OIP5: variants seen among roughly 807,000 people sequenced by gnomAD.
OIP5 encodes the protein Opa interacting protein 5.
In OIP5, 24 loss-of-function variants were observed where a neutral mutation model predicts 20.3. That is an observed-to-expected ratio of 1.18 (90% CI 0.86 to 1.66). The LOEUF (loss-of-function observed/expected upper bound fraction) is 1.66. Among genes scored for constraint, OIP5 ranks in the 40% most tolerant of loss-of-function variants. The probability of loss-of-function intolerance (pLI) is 0.00; values close to 1 mark genes in which losing one functional copy is unlikely to be tolerated. For missense variants in OIP5, 339 were observed against 289.5 expected, an observed-to-expected ratio of 1.17 and a Z score of -1.24; for synonymous variants, 143 against 121.3, an observed-to-expected ratio of 1.18 and a Z score of -1.17.
At chr15:41,325,384 T>A (rs1181283422) in intron 2 of OIP5, among the ~76,000 whole-genome samples, 2 of 151,288 alleles carry the variant, frequency 1.3e-5, no homozygotes, top group Admixed American at 6.6e-5. Context: ...CCAGCCTGGG[T>A]GACAGAGCGA....
chr15:41,311,209 C>T (rs1356176032), intron 4 of OIP5, among the ~76,000 whole-genome samples: 6 of 152,156 alleles, frequency 3.9e-5, no homozygotes, highest in Admixed American at 2.0e-4. Context: ...GGTAAAACCC[C>T]GTCTCTACTA....
chr15:41,312,266 C>T (rs2047760761), intron 4 of OIP5, among the ~76,000 whole-genome samples: 2 of 150,810 alleles, frequency 1.3e-5, no homozygotes, highest in South Asian at 2.1e-4. Context: ...GGTTCAAGTG[C>T]TTCTCCTGTC....
intron 3 of OIP5, among the ~76,000 whole-genome samples, chr15:41,315,392 G>A (rs1480561101): frequency 6.7e-6 from 1 of 150,132 alleles, no homozygotes; most frequent in Non-Finnish European, 1.5e-5. Flanking sequence ...TCACACCACT[G>A]TGTTCCAACT....
chr15:41,318,276 C>T (rs1032770554), intron 3 of OIP5, among the ~76,000 whole-genome samples: 1 of 152,148 alleles, frequency 6.6e-6, no homozygotes, highest in Admixed American at 6.5e-5. Flanking sequence ...AATTCTTCTG[C>T]CTCACCTCCC....
In OIP5 at chr15:41,332,470, G is replaced by A. The variant is rs1207693386; in HGVS notation, c.92C>T (p.Ala31Val). ...CGGTERAIDQ[A>V]SFTTSMEWDT... ...CCACTCCATGGAGGTCGTAAAAGAAGCTTGGTCAATCGCCCTCTCAGTGCC... is the reference window on the plus strand; with the variant it reads ...CCACTCCATGGAGGTCGTAAAAGAAACTTGGTCAATCGCCCTCTCAGTGCC... The change falls in exon 1 of 5, where the codon GCT becomes GTT. Residue 31 changes from alanine (A) to valine (V), a missense_variant. By Grantham distance (64) the Ala-to-Val change is moderately conservative. Transcript: ENST00000220514. The A allele has an allele frequency of 6.2e-7, 1 of 1,614,092 alleles. No homozygotes were observed. Among genetic ancestry groups the A allele is most frequent in the Non-Finnish European group, 8.5e-7 (1 of 1,179,938 alleles).
intron 3 of OIP5, among the ~76,000 whole-genome samples, chr15:41,319,022 A>G (rs1195704808): frequency 6.6e-6 from 1 of 151,966 alleles, no homozygotes; most frequent in African/African-American, 2.4e-5. Flanking sequence ...CTTTTTGTCA[A>G]AGACAGTGCC....
chr15:41,324,800 TC>T (rs1375032942), intron 2 of OIP5, among the ~76,000 whole-genome samples: 12 of 152,182 alleles, frequency 7.9e-5, no homozygotes, highest in Admixed American at 6.6e-4. Context: ...CCATTTTTTT[TC>T]TTCATATTCA....
chr15:41,328,004 G>A (rs1171488275), intron 2 of OIP5, among the ~76,000 whole-genome samples: 2 of 152,076 alleles, frequency 1.3e-5, no homozygotes, highest in Admixed American at 6.6e-5. Context: ...GGGAGGCTGA[G>A]GTGAAAGGAT....
rs939309155 is a variant in OIP5 at position 41,321,936 on chromosome 15, T to C, written c.390-2156A>G. Among the ~76,000 whole-genome samples, 461 of 150,714 alleles carry C rather than the reference T, an allele frequency of 3.1e-3. 3 individuals are homozygous for C. Among genetic ancestry groups the C allele is most frequent in the African/African-American group, 0.011 (445 of 41,046 alleles). On this transcript the variant is annotated intron_variant, in intron 2 of 4. Transcript: ENST00000220514. ...AATGATCAATAAAAAAATAAATAAA[T>C]AAATAAATAAATAAAAAAGAAAAAA...
chr15:41,314,720 C>A (rs1375144793), intron 3 of OIP5, among the ~76,000 whole-genome samples: 1 of 151,698 alleles, frequency 6.6e-6, no homozygotes, highest in African/African-American at 2.4e-5. Context: ...CAACCTCCGC[C>A]TTCCAGGTTC....
At chr15:41,331,813 A>G in intron 2 of OIP5, 102 bp downstream of exon 2, 4 of 942,016 alleles carry the variant, frequency 4.2e-6, no homozygotes, top group Non-Finnish European at 6.9e-6. Flanking sequence ...CAAACAGGTA[A>G]AAGCAGCATC....
At position 41,329,923 on chromosome 15, in the gene OIP5, TCCTGA is replaced by T. The variant is rs756884194; in HGVS notation, c.389+1987_389+1991del. ...TATCTTGGCTAGGCTGGTCTTGAAC[TCCTGA>T]CCTCGTGATCCATCCGCCTTGGCCT... is the stretch of plus-strand genomic sequence containing the variant. On this transcript the variant is annotated intron_variant, in intron 2 of 4. Transcript: ENST00000220514. Among the ~76,000 whole-genome samples the T allele has an allele frequency of 1.6e-3, 246 of 152,100 alleles. 3 individuals are homozygous for T. Among genetic ancestry groups the T allele is most frequent in the Middle Eastern group, 0.014 (4 of 294 alleles).
intron 3 of OIP5, among the ~76,000 whole-genome samples, chr15:41,318,334 G>A (rs540591353): frequency 3.9e-5 from 6 of 152,070 alleles, no homozygotes; most frequent in South Asian, 4.2e-4. Flanking sequence ...GCTTATTTTC[G>A]TATTTTAAAT....
intron 3 of OIP5, among the ~76,000 whole-genome samples, chr15:41,317,232 C>G (rs192693835): frequency 3.6e-4 from 55 of 152,278 alleles, no homozygotes; most frequent in Admixed American, 2.6e-3. Flanking sequence ...ACATGCATCA[C>G]ATGGGAAATA....
At position 41,315,076 on chromosome 15, in the gene OIP5, T is replaced by C. The variant is rs539205997; in HGVS notation, c.513-1722A>G. The stretch of plus-strand genomic sequence containing the variant: ...GCAGTGAACCATGATCGCTCCAGCC[T>C]GTGTGACAGTGAGACCCTGTCTCAA... On this transcript the variant is annotated intron_variant, in intron 3 of 4. Coordinates refer to ENST00000220514, the MANE Select transcript of OIP5 (RefSeq NM_007280.2). Among the ~76,000 whole-genome samples, 4 of 144,686 alleles carry C rather than the reference T, an allele frequency of 2.8e-5. No individual in the cohort carries two copies. The East Asian group carries it at 8.1e-4, about 29-fold the overall frequency. The allele number at this position is 144,686 out of a possible 152,430, so 94.9% of individuals were successfully genotyped here. A position where few individuals can be genotyped will look rare whatever the true frequency, so the allele number is the denominator to read the frequency against.
At chr15:41,328,533 G>C (rs2047876767) in intron 2 of OIP5, among the ~76,000 whole-genome samples, 1 of 152,148 alleles carries the variant, frequency 6.6e-6, no homozygotes, top group Non-Finnish European at 1.5e-5. Context: ...ATTTCTAAGT[G>C]TCAACATACT....
chr15:41,327,149 C>A (rs1257102472), intron 2 of OIP5, among the ~76,000 whole-genome samples: 1 of 149,810 alleles, frequency 6.7e-6, no homozygotes, highest in Non-Finnish European at 1.5e-5. Flanking sequence ...AAACTGGGTA[C>A]CTGGGGCTTA....
intron 3 of OIP5, among the ~76,000 whole-genome samples, chr15:41,319,314 G>A (rs926653684): frequency 4.6e-5 from 7 of 151,310 alleles, no homozygotes; most frequent in Admixed American, 3.3e-4. Flanking sequence ...ATCTCACAGT[G>A]GCGTGATCTC....
Position 41,329,031 on chromosome 15 carries a change from G to A in OIP5, c.389+2884C>T, listed in dbSNP as rs1057268559. ...CAGCGAGCCAAGATCCCGCCACTGT[G>A]CTCCAGCCTGGGTCAGAGCAAGACT... is the stretch of plus-strand genomic sequence containing the variant. On this transcript the variant is annotated intron_variant, in intron 2 of 4. Transcript: ENST00000220514. Among the ~76,000 whole-genome samples the A allele has an allele frequency of 4.7e-5, 6 of 127,728 alleles. No individual in the cohort carries two copies. In the Admixed American group the frequency reaches 5.9e-4, roughly 13 times the overall value. The allele number at this position is 127,728 out of a possible 152,430, so 83.8% of individuals were successfully genotyped here.
Sources: gnomAD v4.1 joint callset for allele counts (sites outside exome capture counted in the v4.1 genomes callset) on GRCh38, gnomAD v4.1.1 for gene constraint, MANE v1.5 for transcripts, NCBI Gene and HGNC (gene_info 2026-07-23, HGNC 2026-07-21) for gene names.